Variants in PTPRG observed in about 807,000 individuals in gnomAD.
The protein encoded by PTPRG is protein tyrosine phosphatase receptor type G.
PTPRG carries 102 observed loss-of-function variants against 165.3 expected under a neutral mutation model. The observed-to-expected ratio is 0.62, with a 90% CI of 0.53 to 0.73. The LOEUF (loss-of-function observed/expected upper bound fraction) is 0.73, where lower values mean the gene tolerates loss of function less well. Among genes scored for constraint, PTPRG ranks in the 30% least tolerant of loss-of-function variants. PTPRG has a pLI of 0.00. For synonymous variants in PTPRG, 675 were observed against 669.5 expected (o/e 1.01, Z -0.13); for missense variants, 1,866 against 1,861.4 (o/e 1.00, Z -0.05).
chr3:62,109,010 T>A (rs1423132296), intron 5 of PTPRG, among the ~76,000 whole-genome samples: 1 of 152,162 alleles, frequency 6.6e-6, no homozygotes, highest in Non-Finnish European at 1.5e-5. Context: ...TTCACCCTGA[T>A]GATAGTTTCT....
At chr3:62,067,714 G>A (rs1701065230) in intron 4 of PTPRG, among the ~76,000 whole-genome samples, 1 of 152,098 alleles carries the variant, frequency 6.6e-6, no homozygotes, top group South Asian at 2.1e-4. Flanking sequence ...GTTCATAATA[G>A]GGTTTACGCT....
At chr3:62,031,396 T>TC (rs1699765200) in intron 4 of PTPRG, among the ~76,000 whole-genome samples, 3 of 151,730 alleles carry the variant, frequency 2.0e-5, no homozygotes, top group Non-Finnish European at 3.0e-5. Flanking sequence ...AGCCCCAGTG[T>TC]TTAGGAAGAG....
At chr3:61,624,001 C>T (rs139978406) in intron 1 of PTPRG, among the ~76,000 whole-genome samples, 1 of 152,262 alleles carries the variant, frequency 6.6e-6, no homozygotes, top group African/African-American at 2.4e-5. Context: ...CATTCAGGTG[C>T]TCAGTTTACC....
chr3:62,083,258 C>CT lies in PTPRG; in HGVS notation c.615+5012dup, dbSNP rs35015867. 3.2e-3 allele frequency among the ~76,000 whole-genome samples: 464 copies of CT among 146,394 alleles called. 2 individuals carry two copies. The highest frequency in any genetic ancestry group is 8.4e-3 in the African/African-American group (333 of 39,846). ...ATAGTAATCGCGGTTTTTGCCATTA[C>CT]TTTTTTTTTTTTCTTCCTTTTTGTG... On this transcript the variant is annotated intron_variant, in intron 5 of 29. Coordinates refer to ENST00000474889, the MANE Select transcript of PTPRG (RefSeq NM_002841.4).
At chr3:61,743,434 A>T (rs920487230) in intron 1 of PTPRG, among the ~76,000 whole-genome samples, 2 of 152,126 alleles carry the variant, frequency 1.3e-5, no homozygotes, top group Non-Finnish European at 2.9e-5. Context: ...TTCTAAACCC[A>T]TTTCATTATT....
At chr3:61,971,579 A>G (rs2040385215) in intron 2 of PTPRG, among the ~76,000 whole-genome samples, 2 of 152,230 alleles carry the variant, frequency 1.3e-5, no homozygotes, top group Admixed American at 1.3e-4. Context: ...GTTGATGAGT[A>G]ACTAGTCCAT....
At chr3:62,253,175 T>A (rs548284007) in intron 15 of PTPRG, among the ~76,000 whole-genome samples, 88 of 152,302 alleles carry the variant, frequency 5.8e-4, no homozygotes, top group African/African-American at 1.9e-3. Flanking sequence ...AATGCTGTGG[T>A]TTTTACCTTA....
chr3:62,208,793 A>G (rs1022384767), intron 12 of PTPRG, among the ~76,000 whole-genome samples: 1 of 152,234 alleles, frequency 6.6e-6, no homozygotes, highest in Non-Finnish European at 1.5e-5. Flanking sequence ...AATTACAGAA[A>G]TAATAACAGC....
chr3:62,081,291 AAC>A lies in PTPRG; in HGVS notation c.615+3035_615+3036del, dbSNP rs1491062086. Reference sequence around the variant, plus strand: ...AAACAAACAAACAAACAAACAAACAAACAAAAACATAATTTTACATAGATAGC... The same window carrying A: ...AAACAAACAAACAAACAAACAAACAAAAAAACATAATTTTACATAGATAGC... On this transcript the variant is annotated intron_variant, in intron 5 of 29. Coordinates refer to ENST00000474889, the MANE Select transcript of PTPRG (RefSeq NM_002841.4). Among the ~76,000 whole-genome samples the A allele has an allele frequency of 1.8e-3, 278 of 150,954 alleles. 25 individuals carry two copies. Among genetic ancestry groups the A allele is most frequent in the African/African-American group, 5.8e-3 (240 of 41,148 alleles).
At chr3:61,961,320 T>C (rs1245898307) in intron 2 of PTPRG, among the ~76,000 whole-genome samples, 1 of 152,158 alleles carries the variant, frequency 6.6e-6, no homozygotes, top group Non-Finnish European at 1.5e-5. Context: ...ACCTTTAGGG[T>C]TGAAGTATTA....
chr3:62,174,531 C>T (rs1001447126), intron 8 of PTPRG, among the ~76,000 whole-genome samples: 1 of 152,112 alleles, frequency 6.6e-6, no homozygotes. Context: ...TTTTAAAGGA[C>T]ATGTACCACC....
chr3:61,712,402 A>G (rs981346239), intron 1 of PTPRG, among the ~76,000 whole-genome samples: 10 of 151,834 alleles, frequency 6.6e-5, no homozygotes, highest in Non-Finnish European at 7.4e-5. Flanking sequence ...TTTCTTCCCC[A>G]TTGATATTGT....
intron 2 of PTPRG, among the ~76,000 whole-genome samples, chr3:61,922,627 C>T (rs924689600): frequency 6.6e-6 from 1 of 152,202 alleles, no homozygotes; most frequent in Non-Finnish European, 1.5e-5. Context: ...ATATAACTTG[C>T]TCCTTAGCTC....
At chr3:61,902,704 C>A (rs2038530273) in intron 2 of PTPRG, among the ~76,000 whole-genome samples, 1 of 152,184 alleles carries the variant, frequency 6.6e-6, no homozygotes, top group African/African-American at 2.4e-5. Flanking sequence ...ACTCAGTAAT[C>A]ATTAACTGTC....
chr3:61,911,265 C>G (rs1350412150), intron 2 of PTPRG, among the ~76,000 whole-genome samples: 1 of 152,146 alleles, frequency 6.6e-6, no homozygotes, highest in Non-Finnish European at 1.5e-5. Flanking sequence ...GAGGTCAGTA[C>G]CTGTGCCTTT....
chr3:62,090,331 G>A (rs1559492947), intron 5 of PTPRG, among the ~76,000 whole-genome samples: 1 of 152,104 alleles, frequency 6.6e-6, no homozygotes, highest in Non-Finnish European at 1.5e-5. Context: ...CCAGACACTA[G>A]TTCTAGTTTT....
rs553328428 is a variant in PTPRG, at chr3:62,271,859, G to T, written c.3182+304G>T. ...AATCCCAGCACTTTGGGAGGCTGAG[G>T]TGGGTGGATCACTTGAGCCCAGGAG... is the stretch of plus-strand genomic sequence containing the variant. On this transcript the variant is annotated intron_variant, in intron 21 of 29. Transcript: ENST00000474889. This position sits in a 1 kb window ranked among gnomAD's most constrained non-coding sequence, Gnocchi z 4.1. Among the ~76,000 whole-genome samples the T allele has an allele frequency of 6.6e-6, 1 of 152,232 alleles. No individual in the cohort carries two copies. Among genetic ancestry groups the T allele is most frequent in the South Asian group, 2.1e-4 (1 of 4,828 alleles).
chr3:61,993,260 C>G (rs547606086), intron 3 of PTPRG, among the ~76,000 whole-genome samples: 1 of 151,586 alleles, frequency 6.6e-6, no homozygotes, highest in South Asian at 2.1e-4. Context: ...TCTTGTTGCC[C>G]AGGCTGGAGT....
chr3:61,998,524 C>T (rs1047973025), intron 3 of PTPRG, among the ~76,000 whole-genome samples: 2 of 152,288 alleles, frequency 1.3e-5, no homozygotes, highest in South Asian at 2.1e-4. Context: ...TTAACTTTCT[C>T]GTAAGTGGAC....
Sources: gnomAD v4.1 joint callset for allele counts (sites outside exome capture counted in the v4.1 genomes callset) on GRCh38, gnomAD v4.1.1 for gene constraint, Gnocchi (gnomAD v3.1) non-coding constraint, MANE v1.5 for transcripts, NCBI Gene and HGNC (gene_info 2026-07-23, HGNC 2026-07-21) for gene names.